The following RBFOX1 variants were observed in gnomAD, a reference collection of about 807,000 sequenced individuals.
RBFOX1 encodes the protein RNA binding fox-1 homolog 1, also known as RNA binding protein fox-1 homolog 1.
In RBFOX1, 8 loss-of-function variants were observed where a neutral mutation model predicts 57.7. The observed-to-expected ratio is 0.14, with a 90% CI of 0.08 to 0.25. The LOEUF (loss-of-function observed/expected upper bound fraction) is 0.25. Ranked by LOEUF, RBFOX1 falls within the 10% of genes least tolerant of loss-of-function variation. The pLI is 1.00. For synonymous variants in RBFOX1, 326 were observed against 222.4 expected (o/e 1.47, Z -4.15); for missense variants, 611 against 548.5 (o/e 1.11, Z -1.14).
At chr16:7,693,395 A>G (rs777774161) in intron 14 of RBFOX1, 1 of 1,521,666 alleles carries the variant, frequency 6.6e-7, no homozygotes. Context: ...TTCTTGATGC[A>G]TCCATCCAAG....
At chr16:5,304,803 A>G (rs2063892602) in intron 1 of RBFOX1, among the ~76,000 whole-genome samples, 1 of 151,294 alleles carries the variant, frequency 6.6e-6, no homozygotes, top group Non-Finnish European at 1.5e-5. Flanking sequence ...TGAGACCTCG[A>G]GGACTGGTAG....
chr16:6,267,524 C>A (rs539030266), intron 1 of RBFOX1, among the ~76,000 whole-genome samples: 1 of 152,118 alleles, frequency 6.6e-6, no homozygotes, highest in South Asian at 2.1e-4. Flanking sequence ...TTTGTGAAAA[C>A]GAGCAACAGT....
chr16:5,774,421 A>C (rs62014105), intron 3 of RBFOX1, among the ~76,000 whole-genome samples: 17,745 of 152,258 alleles, frequency 0.12, 1,120 homozygotes, highest in Middle Eastern at 0.14. Context: ...TTATTTTCAC[A>C]GAGGCAGTAT....
chr16:7,013,887 A>G (rs2093773600), intron 3 of RBFOX1, among the ~76,000 whole-genome samples: 1 of 152,104 alleles, frequency 6.6e-6, no homozygotes, highest in South Asian at 2.1e-4. Flanking sequence ...TGAGCTCTTG[A>G]TCTCCAAAAA....
At chr16:7,192,054 G>A (rs532847155) in intron 4 of RBFOX1, among the ~76,000 whole-genome samples, 12 of 152,268 alleles carry the variant, frequency 7.9e-5, no homozygotes, top group African/African-American at 2.6e-4. Context: ...ATCTATTGAT[G>A]CCCTGTCTGT....
rs186135177 is a variant in RBFOX1 at position 6,133,468 on chromosome 16, C to T, written c.-127+113476C>T. ...CCCTGCCTCTTGGGATGGCACCATG[C>T]CCAGTGCACCACCCTGATTTAAGTT... On this transcript the variant is annotated intron_variant, in intron 1 of 15. Coordinates refer to ENST00000550418, the MANE Select transcript of RBFOX1 (RefSeq NM_018723.4). Among the ~76,000 whole-genome samples the T allele has an allele frequency of 3.3e-5, 5 of 152,296 alleles. No homozygotes were observed. The East Asian group carries it at 9.7e-4, about 29-fold the overall frequency.
intron 5 of RBFOX1, among the ~76,000 whole-genome samples, chr16:7,560,841 G>A (rs903908668): frequency 1.3e-5 from 2 of 152,148 alleles, no homozygotes; most frequent in Admixed American, 1.3e-4. Flanking sequence ...CTAAACATTT[G>A]CTCCTGAGCT....
chr16:6,513,089 G>A (rs1005307414), intron 2 of RBFOX1, among the ~76,000 whole-genome samples: 1 of 152,212 alleles, frequency 6.6e-6, no homozygotes, highest in South Asian at 2.1e-4. Flanking sequence ...AAGTCAGCCA[G>A]TTCTAGTCTG....
intron 4 of RBFOX1, among the ~76,000 whole-genome samples, chr16:7,385,168 T>A (rs2097855068): frequency 6.6e-6 from 1 of 152,162 alleles, no homozygotes; most frequent in African/African-American, 2.4e-5. Context: ...ACCACGATAA[T>A]GAATATAAGT....
intron 3 of RBFOX1, among the ~76,000 whole-genome samples, chr16:6,792,741 G>A (rs1375533115): frequency 1.3e-5 from 2 of 152,114 alleles, no homozygotes; most frequent in Non-Finnish European, 2.9e-5. Context: ...GATATAAATA[G>A]AAGTGATGGG....
chr16:7,114,730 C>G (rs948750554), intron 4 of RBFOX1, among the ~76,000 whole-genome samples: 7 of 152,278 alleles, frequency 4.6e-5, no homozygotes, highest in South Asian at 2.1e-4. Context: ...CATGAAGAGT[C>G]CTGCTAGGTG....
At chr16:6,080,068 A>C (rs6500747) in intron 1 of RBFOX1, among the ~76,000 whole-genome samples, 105,468 of 151,820 alleles carry the variant, frequency 0.69, 37,169 homozygotes, top group Non-Finnish European at 0.77. Flanking sequence ...AAGAGAGAAG[A>C]GTATGTTTTC....
chr16:5,957,420 G>A (rs1340399808), intron 4 of RBFOX1, among the ~76,000 whole-genome samples: 1 of 152,064 alleles, frequency 6.6e-6, no homozygotes, highest in African/African-American at 2.4e-5. Context: ...TCACCATGTT[G>A]GTCATGAACC....
chr16:7,054,600 C>A lies in RBFOX1; in HGVS notation c.27+2502C>A, dbSNP rs188220109. On this transcript the variant is annotated intron_variant, in intron 4 of 15. Transcript: ENST00000550418. The stretch of plus-strand genomic sequence containing the variant: ...GGAATTTAGAACTGGAAGGTAAATA[C>A]CTGTCCATCTCAATGAAATGCATTT... 1.3e-4 allele frequency among the ~76,000 whole-genome samples: 20 copies of A among 150,428 alleles called. No individual in the cohort carries two copies. In the East Asian group the frequency reaches 3.8e-3, roughly 29 times the overall value.
At chr16:7,554,225 C>A (rs926444254) in intron 5 of RBFOX1, among the ~76,000 whole-genome samples, 2 of 152,194 alleles carry the variant, frequency 1.3e-5, no homozygotes, top group African/African-American at 2.4e-5. Flanking sequence ...GCTAGGGGAA[C>A]AAAGAGTAGC....
At chr16:7,400,542 T>A (rs1208742662) in intron 4 of RBFOX1, among the ~76,000 whole-genome samples, 1 of 152,134 alleles carries the variant, frequency 6.6e-6, no homozygotes, top group Admixed American at 6.5e-5. Context: ...TATATTCCTT[T>A]CCGGATTCTT....
chr16:5,612,086 C>T (rs1694328407), intron 3 of RBFOX1, among the ~76,000 whole-genome samples: 1 of 149,978 alleles, frequency 6.7e-6, no homozygotes, highest in African/African-American at 2.4e-5. Flanking sequence ...ACCTACTCTC[C>T]CATCCATCCC....
chr16:6,909,975 C>T (rs1237963539), intron 3 of RBFOX1, among the ~76,000 whole-genome samples: 1 of 152,014 alleles, frequency 6.6e-6, no homozygotes, highest in Admixed American at 6.6e-5. Flanking sequence ...TATTGCTCCT[C>T]AGGCAGATCT....
In RBFOX1 at chr16:7,418,479, C is replaced by T. The variant is rs1032552647; in HGVS notation, c.28-99668C>T. 3.3e-5 allele frequency among the ~76,000 whole-genome samples: 5 copies of T among 152,136 alleles called. 1 individual carries two copies. The highest frequency in any genetic ancestry group is 1.9e-4 in the East Asian group (1 of 5,162). The stretch of plus-strand genomic sequence containing the variant: ...AGCCAGGCATCTGAGATGGAGATTA[C>T]GCATTCTGTGTCTCTGCCTGACACA... On this transcript the variant is annotated intron_variant, in intron 4 of 15. Transcript: ENST00000550418.
Sources: gnomAD v4.1 joint callset for allele counts (sites outside exome capture counted in the v4.1 genomes callset) on GRCh38, gnomAD v4.1.1 for gene constraint, MANE v1.5 for transcripts, NCBI Gene and HGNC (gene_info 2026-07-23, HGNC 2026-07-21) for gene names.